The following TCHH variants were observed in gnomAD, a reference collection of about 807,000 sequenced individuals.
The protein encoded by TCHH is trichohyalin.
TCHH carries 6 observed loss-of-function variants against 6.3 expected under a neutral mutation model. The observed-to-expected ratio is 0.95, with a 90% CI of 0.52 to 1.88. The LOEUF is 1.88. TCHH is among the 40% of genes most tolerant of loss of function. The probability of loss-of-function intolerance (pLI) is 0.01; values close to 1 mark genes in which losing one functional copy is unlikely to be tolerated. For synonymous variants in TCHH, 1,087 were observed against 963.6 expected (o/e 1.13, Z -2.37); for missense variants, 2,920 against 2,449.1 (o/e 1.19, Z -4.06).
chr1:152,107,514 T>G lies in TCHH; in HGVS notation c.5703A>C (p.Ile1901=). 6.2e-7 allele frequency: 1 copy of G among 1,614,226 alleles called. No homozygotes were observed. The highest frequency in any genetic ancestry group is 8.5e-7 in the Non-Finnish European group (1 of 1,180,032). ...EEQRHRQVGE[I]KSQEGKGHGR... ...CATGGCCCTTCCCTTCTTGGGATTT[T>G]ATCTCCCCGACTTGGCGGTGCCTCT... The change falls in exon 3 of 3, where the codon ATA becomes ATC. Residue 1901 remains isoleucine (I), a synonymous_variant. Transcript: ENST00000614923.
In TCHH at chr1:152,109,876, T is replaced by G; in HGVS notation, c.3341A>C (p.Glu1114Ala). Residue 1114 changes from glutamate to alanine, a missense_variant, in exon 3 of 3, where the codon GAG becomes GCG. By Grantham distance (107) the Glu-to-Ala change is moderately radical. Coordinates refer to ENST00000614923, the MANE Select transcript of TCHH (RefSeq NM_007113.4). ...QERERQCREE[E>A]ELQQEEEQLL... Reference sequence around the variant, plus strand: ...CTGCTCTTCCTCCTGCTGCAGCTCCTCTTCCTCCCGACATTGCCTCTCCCG... The same window carrying G: ...CTGCTCTTCCTCCTGCTGCAGCTCCGCTTCCTCCCGACATTGCCTCTCCCG... 1 of 1,605,062 alleles carries G rather than the reference T, an allele frequency of 6.2e-7. No individual in the cohort carries two copies. The highest frequency in any genetic ancestry group is 1.1e-5 in the South Asian group (1 of 90,140).
chr1:152,111,017 C>T lies in TCHH; in HGVS notation c.2200G>A (p.Glu734Lys). 2 of 1,613,396 alleles carry T rather than the reference C, an allele frequency of 1.2e-6. No individual in the cohort carries two copies. The highest frequency in any genetic ancestry group is 1.7e-6 in the Non-Finnish European group (2 of 1,179,970). ...RKQEGQRRRQ[E>K]QEEKRRRRES... ...CGGCGCCGCCTCTTTTCCTCCTGCTCTTGGCGGCGCCTCTGCCCTTCCTGC... is the reference window on the plus strand; with the variant it reads ...CGGCGCCGCCTCTTTTCCTCCTGCTTTTGGCGGCGCCTCTGCCCTTCCTGC... Residue 734 changes from glutamate to lysine, a missense_variant, in exon 3 of 3, where the codon GAG becomes AAG. Glu to Lys is a moderately conservative substitution (Grantham distance 56, BLOSUM62 1). Transcript: ENST00000614923.
chr1:152,112,394 C>T lies in TCHH; in HGVS notation c.823G>A (p.Glu275Lys). 2 of 1,613,864 alleles carry T rather than the reference C, an allele frequency of 1.2e-6. No homozygotes were observed. Among genetic ancestry groups the T allele is most frequent in the Non-Finnish European group, 1.7e-6 (2 of 1,180,002 alleles). The change falls in exon 3 of 3, where the codon GAA (glutamate) becomes AAA (lysine). Residue 275 changes from glutamate to lysine, a missense_variant. Glu to Lys is a moderately conservative substitution (Grantham distance 56). Coordinates refer to ENST00000614923, the MANE Select transcript of TCHH (RefSeq NM_007113.4). ...CGCTCCAGCTTCCGTAGCTGCTCTT[C>T]TTCCTCCTGGAGCTCTCTTTGCCGC... is the stretch of plus-strand genomic sequence containing the variant. ...PQRQRELQEE[E>K]EQLRKLERQE...
chr1:152,111,652 T>C lies in TCHH; in HGVS notation c.1565A>G (p.Gln522Arg). The C allele has an allele frequency of 1.1e-5, 17 of 1,551,362 alleles. No homozygotes were observed. The highest frequency in any genetic ancestry group is 1.5e-5 in the Non-Finnish European group (17 of 1,133,586). Residue 522 changes from glutamine (Q) to arginine (R), a missense_variant, in exon 3 of 3, where the codon CAG (glutamine) becomes CGG (arginine). Gln to Arg is a conservative substitution (Grantham distance 43, BLOSUM62 1). Transcript: ENST00000614923. ...CTGCTGGAGCCTCTCTTCCTCCTCC[T>C]GGCGCTTCAGCCGCTGCTCGCGCCT... is the stretch of plus-strand genomic sequence containing the variant. ...EERREQRLKR[Q>R]EEEERLQQRL...
chr1:152,109,095 TC>T lies in TCHH; in HGVS notation c.4121del (p.Arg1374LysfsTer50). ...EEELRHQEQG[R>X]KFLEEEQRLR... is the part of the protein sequence containing the mutation. The stretch of plus-strand genomic sequence containing the variant: ...GCCGCTGTTCCTCCTCGAGGAATTT[TC>T]TCCCTTGTTCCTGATGGCGCAGTTC... On this transcript the variant is annotated frameshift_variant, in exon 3 of 3. Coordinates refer to ENST00000614923, the MANE Select transcript of TCHH (RefSeq NM_007113.4). LOFTEE classifies it low-confidence loss of function (END_TRUNC). 8.7e-6 allele frequency: 14 copies of T among 1,613,544 alleles called. No homozygotes were observed. Among genetic ancestry groups the T allele is most frequent in the Non-Finnish European group, 1.2e-5 (14 of 1,179,886 alleles).
At position 152,110,826 on chromosome 1, in the gene TCHH, C is replaced by T. The variant is rs1255318950; in HGVS notation, c.2391G>A (p.Gln797=). The T allele has an allele frequency of 6.2e-7, 1 of 1,609,142 alleles. No individual in the cohort carries two copies. ...GCTGCTGGCGCTCCTCGGCCCTCAG[C>T]TGCCTCTCCCGCTGCTCCCGCAATG... The part of the protein sequence containing the change: ...RPPLREQRER[Q]LRAEERQQRE... The change falls in exon 3 of 3, where the codon CAG becomes CAA. Residue 797 remains glutamine, a synonymous_variant. Transcript: ENST00000614923.
Position 152,107,377 on chromosome 1 carries a change from A to C in TCHH, c.*8T>G, listed in dbSNP as rs922944904. On this transcript the variant is annotated 3_prime_UTR_variant, in exon 3 of 3. Coordinates refer to ENST00000614923, the MANE Select transcript of TCHH (RefSeq NM_007113.4). ...CTTTGGCAGGTGTCAAGATATTGGCAACATCACTTAAGGGCGGTATTGAGA... is the reference window on the plus strand; with the variant it reads ...CTTTGGCAGGTGTCAAGATATTGGCCACATCACTTAAGGGCGGTATTGAGA... The C allele has an allele frequency of 2.0e-6, 3 of 1,533,962 alleles. No homozygotes were observed. Among genetic ancestry groups the C allele is most frequent in the Non-Finnish European group, 2.6e-6 (3 of 1,141,684 alleles).
intron 2 of TCHH, 75 bp downstream of exon 2, chr1:152,113,868 C>G: frequency 1.3e-6 from 2 of 1,540,754 alleles, no homozygotes; most frequent in South Asian, 1.2e-5. Context: ...AACCACCATT[C>G]CTTGCTCTGG....
In TCHH at chr1:152,112,440, C is replaced by T. The variant is rs1658409643; in HGVS notation, c.777G>A (p.Lys259=). 1 of 1,613,810 alleles carries T rather than the reference C, an allele frequency of 6.2e-7. No individual in the cohort carries two copies. Among genetic ancestry groups the T allele is most frequent in the Non-Finnish European group, 8.5e-7 (1 of 1,180,006 alleles). ...RETVLRKEEE[K]LQEEEPQRQR... ...GCCGCTGCGGCTCCTCTTCCTGCAA[C>T]TTCTCTTCTTCCTTCCGGAGCACTG... Residue 259 remains lysine, a synonymous_variant, in exon 3 of 3, where the codon AAG becomes AAA. Coordinates refer to ENST00000614923, the MANE Select transcript of TCHH (RefSeq NM_007113.4).
In TCHH at chr1:152,113,034, C is replaced by T. The variant is rs200527437; in HGVS notation, c.183G>A (p.Leu61=). 3 of 1,613,710 alleles carry T rather than the reference C, an allele frequency of 1.9e-6. No homozygotes were observed. The highest frequency in any genetic ancestry group is 2.7e-5 in the African/African-American group (2 of 74,964). ...CGACACGCCCATTACTGTCAAGATC[C>T]AGAAGTTCCAGGATCAGATCTACCG... ...PKTVDLILEL[L]DLDSNGRVDF... The change falls in exon 3 of 3, where the codon CTG becomes CTA. Residue 61 remains leucine, a synonymous_variant. Transcript: ENST00000614923.
chr1:152,112,348 C>A lies in TCHH; in HGVS notation c.869G>T (p.Arg290Leu), dbSNP rs1658404980. The change falls in exon 3 of 3, where the codon CGC (arginine) becomes CTC (leucine). Residue 290 changes from arginine (R) to leucine (L), a missense_variant. Physicochemically the swap from Arg to Leu is moderately radical, Grantham distance 102. Transcript: ENST00000614923. ...KLERQELRRERQEEEQQQQRL... is the reference protein window; with the variant it reads ...KLERQELRRELQEEEQQQQRL... Reference sequence around the variant, plus strand: ...TTGCTGCTGCTGCTCTTCCTCCTGGCGCTCCCTCCTCAGCTCTTGCCGCTC... The same window carrying A: ...TTGCTGCTGCTGCTCTTCCTCCTGGAGCTCCCTCCTCAGCTCTTGCCGCTC... 1 of 1,613,234 alleles carries A rather than the reference C, an allele frequency of 6.2e-7. No homozygotes were observed. The highest frequency in any genetic ancestry group is 8.5e-7 in the Non-Finnish European group (1 of 1,179,978).
Position 152,111,233 on chromosome 1 carries a change from C to A in TCHH, c.1984G>T (p.Glu662Ter). Residue 662 changes from glutamate to a stop codon, truncating the protein, a stop_gained, in exon 3 of 3, where the codon GAG becomes TAG. Transcript: ENST00000614923. LOFTEE classifies it low-confidence loss of function (END_TRUNC). ...TGCTCGAGCCTCTCTTCCTCCTCCT[C>A]GCGCTTCAGCCGCTGCTCGCGCCTT... ...QERREQRLKR[E>*]EEEERLEQRL... is the part of the protein sequence containing the mutation. The A allele has an allele frequency of 1.2e-6, 2 of 1,600,638 alleles. No homozygotes were observed. The highest frequency in any genetic ancestry group is 2.3e-5 in the East Asian group (1 of 44,104).
In TCHH at chr1:152,109,811, G is replaced by C; in HGVS notation, c.3406C>G (p.Leu1136Val). The C allele has an allele frequency of 1.3e-6, 2 of 1,586,826 alleles. No individual in the cohort carries two copies. Among genetic ancestry groups the C allele is most frequent in the Non-Finnish European group, 8.6e-7 (1 of 1,166,582 alleles). ...EEREKRRRQE[L>V]ERQYREEEEV... ...TCTTCCTCCCGATATTGCCTCTCCA[G>C]CTCCTGGCGCCTTCTCTTCTCCCGT... is the stretch of plus-strand genomic sequence containing the variant. The change falls in exon 3 of 3, where the codon CTG becomes GTG. Residue 1136 changes from leucine to valine, a missense_variant. Leu to Val is a conservative substitution (Grantham distance 32). Coordinates refer to ENST00000614923, the MANE Select transcript of TCHH (RefSeq NM_007113.4).
intron 2 of TCHH, among the ~76,000 whole-genome samples, chr1:152,113,685 T>C (rs1435246459): frequency 6.6e-6 from 1 of 152,232 alleles, no homozygotes; most frequent in Non-Finnish European, 1.5e-5. Flanking sequence ...CCAAGTCTAG[T>C]GTGATTTGAC....
chr1:152,108,752 C>G lies in TCHH; in HGVS notation c.4465G>C (p.Glu1489Gln), dbSNP rs1409368397. ...TGGCGGCGCAGCTGTTGTTCCTCCT[C>G]CAGGAATTTTCTGTCACGCTCTTGG... ...HRQERDRKFL[E>Q]EEQQLRRQER... Residue 1489 changes from glutamate (E) to glutamine (Q), a missense_variant, in exon 3 of 3, where the codon GAG becomes CAG. By Grantham distance (29) the Glu-to-Gln change is conservative (BLOSUM62 2). Transcript: ENST00000614923. 6.2e-7 allele frequency: 1 copy of G among 1,609,906 alleles called. No individual in the cohort carries two copies. Among genetic ancestry groups the G allele is most frequent in the South Asian group, 1.1e-5 (1 of 90,842 alleles).
At position 152,109,006 on chromosome 1, in the gene TCHH, C is replaced by A. The variant is rs1417745705; in HGVS notation, c.4211G>T (p.Arg1404Leu). 1.2e-6 allele frequency: 2 copies of A among 1,609,838 alleles called. No homozygotes were observed. The highest frequency in any genetic ancestry group is 1.1e-5 in the South Asian group (1 of 90,842). The change falls in exon 3 of 3, where the codon CGC (arginine) becomes CTC (leucine). Residue 1404 changes from arginine (R) to leucine (L), a missense_variant. By Grantham distance (102) the Arg-to-Leu change is moderately radical. Coordinates refer to ENST00000614923, the MANE Select transcript of TCHH (RefSeq NM_007113.4). Reference sequence around the variant, plus strand: ...GCGGTCCTGACGCAGCTGTTGCTCGCGCTCCTGGCAGCGCAGCTGCTGTTC... The same window carrying A: ...GCGGTCCTGACGCAGCTGTTGCTCGAGCTCCTGGCAGCGCAGCTGCTGTTC... Reference protein sequence around the residue: ...KEEQQLRCQEREQQLRQDRDR... With the variant: ...KEEQQLRCQELEQQLRQDRDR...
Position 152,112,981 on chromosome 1 carries a change from AAAAT to A in TCHH, c.232_235del (p.Ile78SerfsTer70), listed in dbSNP as rs775374138. On this transcript the variant is annotated frameshift_variant, in exon 3 of 3. Transcript: ENST00000614923. LOFTEE classifies it low-confidence loss of function (END_TRUNC). ...ATAGTAACAAGCTTGAGCCACTTTG[AAAAT>A]AAATAGGAGGAATTCGTTGAAATCG... The A allele has an allele frequency of 6.8e-5, 110 of 1,613,962 alleles. No individual in the cohort carries two copies. Among genetic ancestry groups the A allele is most frequent in the Non-Finnish European group, 9.0e-5 (106 of 1,180,026 alleles).
chr1:152,107,999 G>C lies in TCHH; in HGVS notation c.5218C>G (p.Leu1740Val). ...TTTCTGTAGCGTTCTTGGCGGCGCA[G>C]CTGCTCTTGCTCCGTTTCTTGGCGC... ...QLRQETEQEQ[L>V]RRQERYRKIL... The change falls in exon 3 of 3, where the codon CTG (leucine) becomes GTG (valine). Residue 1740 changes from leucine (L) to valine (V), a missense_variant. Leu to Val is a conservative substitution (Grantham distance 32). Transcript: ENST00000614923. The C allele has an allele frequency of 6.2e-7, 1 of 1,613,662 alleles. No homozygotes were observed. The highest frequency in any genetic ancestry group is 8.5e-7 in the Non-Finnish European group (1 of 1,179,876).
Position 152,109,626 on chromosome 1 carries a change from C to T in TCHH, c.3591G>A (p.Arg1197=), listed in dbSNP as rs1254314711. 2.5e-6 allele frequency: 4 copies of T among 1,613,810 alleles called. No homozygotes were observed. The highest frequency in any genetic ancestry group is 3.4e-6 in the Non-Finnish European group (4 of 1,179,962). The part of the protein sequence containing the change: ...EQEKRRQERE[R]QYREEEELQR... ...GAAGCTCTTCCTCCTCCCGATACTG[C>T]CTCTCCCGCTCCTGGCGCCTTTTCT... Residue 1197 remains arginine, a synonymous_variant, in exon 3 of 3, where the codon AGG becomes AGA. Transcript: ENST00000614923.
Sources: gnomAD v4.1 joint callset for allele counts (sites outside exome capture counted in the v4.1 genomes callset) on GRCh38, gnomAD v4.1.1 for gene constraint, MANE v1.5 for transcripts, NCBI Gene and HGNC (gene_info 2026-07-23, HGNC 2026-07-21) for gene names.